EHMT1: variants seen among roughly 807,000 people sequenced by gnomAD.
EHMT1 encodes euchromatic histone lysine methyltransferase 1, also known as histone-lysine N-methyltransferase EHMT1.
In EHMT1, 15 loss-of-function variants were observed where a neutral mutation model predicts 147.2. The observed-to-expected ratio is 0.10, with a 90% CI of 0.07 to 0.16. The LOEUF (loss-of-function observed/expected upper bound fraction) is 0.16. EHMT1 is among the 10% of genes least tolerant of loss of function. EHMT1 has a pLI of 1.00. For missense variants in EHMT1, 1,587 were observed against 1,772.4 expected (o/e 0.90, Z 1.88); for synonymous variants, 795 against 709.6 (o/e 1.12, Z -1.91).
At chr9:137,637,520 T>C (rs1844173634) in intron 1 of EHMT1, 1 of 152,226 alleles carries the variant, frequency 6.6e-6, no homozygotes, top group African/African-American at 2.4e-5. Context: ...TCTTGCTCTG[T>C]GGCCCTGCTG....
At chr9:137,670,741 GTCT>G (rs1271889347) in intron 1 of EHMT1, among the ~76,000 whole-genome samples, 1 of 152,174 alleles carries the variant, frequency 6.6e-6, no homozygotes, top group African/African-American at 2.4e-5. Context: ...CTGTCTGCGC[GTCT>G]TCCTCGTGTA....
intron 25 of EHMT1, among the ~76,000 whole-genome samples, chr9:137,832,008 C>A (rs897878355): frequency 6.6e-6 from 1 of 151,632 alleles, no homozygotes; most frequent in African/African-American, 2.4e-5. Context: ...GCTCCGCCTC[C>A]TACGTGGCCG....
intron 10 of EHMT1, among the ~76,000 whole-genome samples, chr9:137,766,877 A>C (rs922899894): frequency 6.6e-6 from 1 of 152,014 alleles, no homozygotes; most frequent in Non-Finnish European, 1.5e-5. Flanking sequence ...CCCAGGCTGG[A>C]ATGCAGTGGC....
At chr9:137,724,411 A>G (rs1027649219) in intron 3 of EHMT1, among the ~76,000 whole-genome samples, 1 of 152,192 alleles carries the variant, frequency 6.6e-6, no homozygotes, top group African/African-American at 2.4e-5. Context: ...TGCTGCCTCC[A>G]TGGCTAGGTC....
chr9:137,702,546 C>A (rs2135200454), intron 1 of EHMT1, among the ~76,000 whole-genome samples: 1 of 152,322 alleles, frequency 6.6e-6, no homozygotes, highest in Non-Finnish European at 1.5e-5. Flanking sequence ...AGGCCTTGGG[C>A]AGCTCTGCCT....
At chr9:137,623,923 C>T (rs942902359) in intron 1 of EHMT1, among the ~76,000 whole-genome samples, 5 of 151,894 alleles carry the variant, frequency 3.3e-5, no homozygotes, top group Non-Finnish European at 7.4e-5. Flanking sequence ...CTGAAGTAAT[C>T]TTCCTGCCTC....
chr9:137,760,158 G>A (rs1045959886), intron 9 of EHMT1, among the ~76,000 whole-genome samples: 6 of 152,150 alleles, frequency 3.9e-5, no homozygotes, highest in African/African-American at 7.2e-5. Flanking sequence ...AGAGCTTGGC[G>A]GAGGTTGATT....
intron 3 of EHMT1, among the ~76,000 whole-genome samples, chr9:137,719,745 G>C (rs1490185613): frequency 6.6e-6 from 1 of 152,188 alleles, no homozygotes; most frequent in East Asian, 1.9e-4. Context: ...CTGTGTGCAC[G>C]TGCATCACGT....
intron 1 of EHMT1, among the ~76,000 whole-genome samples, chr9:137,672,142 C>CA (rs1196334577): frequency 6.6e-6 from 1 of 152,230 alleles, no homozygotes; most frequent in Non-Finnish European, 1.5e-5. Context: ...GGGCGTGCAG[C>CA]AGGCGGTGTG....
At chr9:137,827,997 T>A (rs964659039) in intron 25 of EHMT1, among the ~76,000 whole-genome samples, 3 of 152,090 alleles carry the variant, frequency 2.0e-5, no homozygotes, top group Non-Finnish European at 4.4e-5. Context: ...CGTGCCCCTG[T>A]GTGAAGGGGC....
At chr9:137,644,474 C>T (rs908935782) in intron 1 of EHMT1, among the ~76,000 whole-genome samples, 8 of 152,018 alleles carry the variant, frequency 5.3e-5, no homozygotes, top group Admixed American at 5.2e-4. Context: ...ATTACAGGCA[C>T]ATGCCACCAC....
intron 1 of EHMT1, among the ~76,000 whole-genome samples, chr9:137,631,547 C>T (rs1047772668): frequency 4.6e-5 from 7 of 151,974 alleles, no homozygotes; most frequent in African/African-American, 7.3e-5. Flanking sequence ...CATTTTGGTC[C>T]GTGGCAGACC....
intron 16 of EHMT1, among the ~76,000 whole-genome samples, chr9:137,792,450 A>G (rs1254740767): frequency 6.6e-6 from 1 of 152,228 alleles, no homozygotes; most frequent in East Asian, 1.9e-4. Flanking sequence ...CACGCCTGTA[A>G]TCCCAGCACG....
At chr9:137,780,893 G>A (rs1174913539) in intron 14 of EHMT1, among the ~76,000 whole-genome samples, 10 of 104,512 alleles carry the variant, frequency 9.6e-5, no homozygotes, top group Admixed American at 1.8e-4. Flanking sequence ...TGGTGATGAC[G>A]CTGGGATGTG....
chr9:137,781,300 TGAC>T (rs1461892052), intron 14 of EHMT1, among the ~76,000 whole-genome samples: 11 of 132,078 alleles, frequency 8.3e-5, no homozygotes, highest in Admixed American at 3.9e-4. Context: ...TGTGTGGTGA[TGAC>T]GGCATCACTG....
intron 16 of EHMT1, among the ~76,000 whole-genome samples, chr9:137,792,629 C>G (rs538857524): frequency 3.3e-5 from 5 of 152,128 alleles, no homozygotes; most frequent in Admixed American, 3.3e-4. Flanking sequence ...CGATTGAACC[C>G]GGGAGGCGGA....
intron 15 of EHMT1, among the ~76,000 whole-genome samples, chr9:137,790,228 C>T (rs532742513): frequency 6.6e-6 from 1 of 152,080 alleles, no homozygotes; most frequent in Admixed American, 6.5e-5. Context: ...GAAGTTTTTC[C>T]TCATGGAGAA....
At chr9:137,721,752 C>T (rs1278560626) in intron 3 of EHMT1, among the ~76,000 whole-genome samples, 2 of 152,076 alleles carry the variant, frequency 1.3e-5, no homozygotes, top group African/African-American at 2.4e-5. Flanking sequence ...TTTATGATTG[C>T]ATTGTTTTGT....
intron 16 of EHMT1, among the ~76,000 whole-genome samples, chr9:137,797,851 G>A (rs1953088884): frequency 6.6e-6 from 1 of 152,180 alleles, no homozygotes; most frequent in Non-Finnish European, 1.5e-5. Flanking sequence ...CACCTGAAGG[G>A]AGACGGTGGT....
Sources: allele counts gnomAD v4.1 joint callset (sites outside exome capture counted in the v4.1 genomes callset), GRCh38; gene constraint gnomAD v4.1.1; transcripts MANE v1.5; gene names NCBI Gene and HGNC (gene_info 2026-07-23, HGNC 2026-07-21).